Variants in PCTP observed in about 807,000 individuals in gnomAD.
The protein encoded by PCTP is phosphatidylcholine transfer protein.
Under a neutral mutation model 31.0 loss-of-function variants are expected in PCTP, and 27 were observed. The ratio of observed to expected loss-of-function variants is 0.87; its 90% CI spans 0.64 to 1.20. PCTP has a LOEUF of 1.20. PCTP is among the 50% of genes most tolerant of loss of function. PCTP has a pLI of 0.00. For missense variants in PCTP, 287 were observed against 268.2 expected (o/e 1.07, Z -0.49); for synonymous variants, 108 against 101.2 (o/e 1.07, Z -0.40).
chr17:55,843,549 C>G (rs1293520180), downstream of PCTP, among the ~76,000 whole-genome samples: 1 of 152,172 alleles, frequency 6.6e-6, no homozygotes, highest in Non-Finnish European at 1.5e-5. Flanking sequence ...GAACATTCTT[C>G]CTGCCCTCAC....
At chr17:55,812,455 G>T (rs769741260) in intron 3 of PCTP, among the ~76,000 whole-genome samples, 1 of 152,192 alleles carries the variant, frequency 6.6e-6, no homozygotes, top group Admixed American at 6.5e-5. Context: ...TGTTGCCAAG[G>T]CTTGCTACAA....
At chr17:55,796,218 A>C (rs933760414) in intron 3 of PCTP, among the ~76,000 whole-genome samples, 1 of 152,026 alleles carries the variant, frequency 6.6e-6, no homozygotes, top group South Asian at 2.1e-4. Context: ...TGGATTGTGA[A>C]AGGCATAATA....
At chr17:55,800,391 A>G (rs991512103) in intron 3 of PCTP, among the ~76,000 whole-genome samples, 23 of 151,720 alleles carry the variant, frequency 1.5e-4, no homozygotes, top group African/African-American at 5.6e-4. Flanking sequence ...TGTGTGCTTC[A>G]TGGAGTTCTT....
chr17:55,792,554 C>G (rs8073833), intron 3 of PCTP, among the ~76,000 whole-genome samples: 32,163 of 151,990 alleles, frequency 0.21, 3,994 homozygotes, highest in African/African-American at 0.35. Context: ...AACTTTTTAA[C>G]CTTTCTATCC....
chr17:55,830,261 G>A lies in PCTP; in HGVS notation n.505+7334G>A, dbSNP rs1457427396. ...GGTAGGGGGAGGTGGTTTGAAAACC[G>A]TAGAGTAGAAAGTTCTGCTGCTGTG... On this transcript the variant is annotated intron_variant and non_coding_transcript_variant, in intron 5 of 5. Transcript: ENST00000576221. Among the ~76,000 whole-genome samples the A allele has an allele frequency of 2.6e-5, 4 of 152,126 alleles. No individual in the cohort carries two copies. The East Asian group carries it at 5.8e-4, about 22-fold the overall frequency.
intron 3 of PCTP, among the ~76,000 whole-genome samples, chr17:55,813,327 G>A (rs1050358217): frequency 6.6e-5 from 10 of 152,072 alleles, no homozygotes; most frequent in Non-Finnish European, 1.5e-4. Context: ...GGGGTGCTGC[G>A]GTGGTGCGAT....
At chr17:55,837,555 T>C (rs555428448) in intron 5 of PCTP, among the ~76,000 whole-genome samples, 1 of 152,214 alleles carries the variant, frequency 6.6e-6, no homozygotes, top group Non-Finnish European at 1.5e-5. Context: ...GGGTCACATG[T>C]CTTGGCAAAT....
At chr17:55,761,698 G>A (rs1202795667) in intron 1 of PCTP, among the ~76,000 whole-genome samples, 9 of 150,742 alleles carry the variant, frequency 6.0e-5, no homozygotes. Context: ...TGGCATGTAG[G>A]GTCTTGTACG....
At position 55,773,973 on chromosome 17, in the gene PCTP, G is replaced by A. The variant is rs930622051; in HGVS notation, c.511+78G>A. On this transcript the variant is annotated intron_variant, in intron 4 of 5. Transcript: ENST00000268896. ...GGCCAGGCTGATGGGGGGACATGTC[G>A]AGTACATGAAGCGTATCCCTGAAGG... is the stretch of plus-strand genomic sequence containing the variant. 7.6e-6 allele frequency: 11 copies of A among 1,452,118 alleles called. No individual in the cohort carries two copies. The Admixed American group carries it at 1.1e-4, about 14-fold the overall frequency. 90.0% of individuals were successfully genotyped at this position (1,452,118 alleles called of 1,614,324 possible).
chr17:55,807,366 CT>C (rs1224044073), intron 3 of PCTP, among the ~76,000 whole-genome samples: 1 of 152,124 alleles, frequency 6.6e-6, no homozygotes, highest in Non-Finnish European at 1.5e-5. Context: ...GTCTTAGTTG[CT>C]ATTCCTTTTT....
intron 3 of PCTP, among the ~76,000 whole-genome samples, chr17:55,800,401 T>C (rs1912336218): frequency 1.3e-5 from 2 of 151,954 alleles, no homozygotes; most frequent in African/African-American, 4.8e-5. Flanking sequence ...ATGGAGTTCT[T>C]GTGCTGTGTT....
Position 55,771,147 on chromosome 17 carries a change from T to G in PCTP, c.301T>G (p.Trp101Gly). The change falls in exon 3 of 6, where the codon TGG becomes GGG. Residue 101 changes from tryptophan to glycine, a missense_variant. Trp to Gly is a radical substitution (Grantham distance 184, BLOSUM62 -2). Coordinates refer to ENST00000268896, the MANE Select transcript of PCTP (RefSeq NM_021213.4). Reference protein sequence around the residue: ...QECNGETVVYWEVKYPFPMSN... With the variant: ...QECNGETVVYGEVKYPFPMSN... ...ATGCAACGGAGAGACTGTGGTCTAC[T>G]GGGAAGTGAAGTACCCTTTTCCCAT... 1 of 1,613,536 alleles carries G rather than the reference T, an allele frequency of 6.2e-7. No individual in the cohort carries two copies. The highest frequency in any genetic ancestry group is 1.1e-5 in the South Asian group (1 of 91,066).
chr17:55,805,599 T>C (rs1281678047), intron 3 of PCTP, among the ~76,000 whole-genome samples: 2 of 151,918 alleles, frequency 1.3e-5, no homozygotes, highest in African/African-American at 2.4e-5. Flanking sequence ...TGTATATATA[T>C]ACATATATAT....
intron 3 of PCTP, among the ~76,000 whole-genome samples, chr17:55,820,568 G>A (rs1421415704): frequency 6.6e-6 from 1 of 152,050 alleles, no homozygotes; most frequent in East Asian, 1.9e-4. Flanking sequence ...CACCCCTAAA[G>A]GCCCTACATC....
intron 3 of PCTP, among the ~76,000 whole-genome samples, chr17:55,808,234 A>G (rs1448755715): frequency 2.0e-5 from 3 of 152,234 alleles, no homozygotes; most frequent in Non-Finnish European, 4.4e-5. Context: ...TAATCTATGA[A>G]TTGCCAAATG....
chr17:55,817,736 G>C (rs2060973), intron 3 of PCTP, among the ~76,000 whole-genome samples: 21,324 of 152,234 alleles, frequency 0.14, 1,567 homozygotes, highest in Middle Eastern at 0.19. Context: ...AGATTCCTCA[G>C]TTTGAAAGAG....
At chr17:55,770,885 G>T (rs916961017) in intron 2 of PCTP, 39 of 404,384 alleles carry the variant, frequency 9.6e-5, no homozygotes, top group Non-Finnish European at 1.2e-4. Context: ...ATACCTGGCT[G>T]ATTTTTTTGC....
At chr17:55,810,098 C>A (rs1482154993) in intron 3 of PCTP, among the ~76,000 whole-genome samples, 1 of 152,122 alleles carries the variant, frequency 6.6e-6, no homozygotes, top group Non-Finnish European at 1.5e-5. Flanking sequence ...TCACTCACTG[C>A]AACATTAAAC....
chr17:55,771,866 T>C (rs1293569235), intron 3 of PCTP, among the ~76,000 whole-genome samples: 2 of 152,116 alleles, frequency 1.3e-5, no homozygotes, highest in Non-Finnish European at 2.9e-5. Context: ...GGATGACTCC[T>C]AGGTAAGATT....
Sources: gnomAD v4.1 joint callset for allele counts (sites outside exome capture counted in the v4.1 genomes callset) on GRCh38, gnomAD v4.1.1 for gene constraint, MANE v1.5 for transcripts, NCBI Gene and HGNC (gene_info 2026-07-23, HGNC 2026-07-21) for gene names.